The following SLC37A1 variants were observed in gnomAD, a reference collection of about 807,000 sequenced individuals.
The protein encoded by SLC37A1 is solute carrier family 37 member 1.
Under a neutral mutation model 75.3 loss-of-function variants are expected in SLC37A1, and 49 were observed. That is an observed-to-expected ratio of 0.65 (90% CI 0.52 to 0.83). SLC37A1 has a LOEUF of 0.83. Among genes scored for constraint, SLC37A1 ranks in the 40% least tolerant of loss-of-function variants. The pLI is 0.00. For synonymous variants in SLC37A1, 268 were observed against 292.1 expected (o/e 0.92, Z 0.84); for missense variants, 566 against 695.0 (o/e 0.81, Z 2.09).
intron 5 of SLC37A1, among the ~76,000 whole-genome samples, chr21:42,538,831 C>A (rs1412161422): frequency 3.9e-5 from 6 of 152,182 alleles, no homozygotes. Flanking sequence ...GCCACCAGGT[C>A]CCCAGACAGC....
rs3216127 is a variant in SLC37A1 at position 42,554,046 on chromosome 21, CT to C, written c.769-6del. On this transcript the variant is annotated splice_polypyrimidine_tract_variant and intron_variant, in intron 9 of 19. Transcript: ENST00000352133. ...TTGAATCAGTATCGCTCTAATGAAA[CT>C]TTTTTTTTTACCAGCACTCAAAAGG... The C allele has an allele frequency of 3.3e-3, 4,566 of 1,374,710 alleles. No individual in the cohort carries two copies. Among genetic ancestry groups the C allele is most frequent in the South Asian group, 7.7e-3 (562 of 73,282 alleles). The allele number at this position is 1,374,710 out of a possible 1,614,324, so 85.2% of individuals were successfully genotyped here.
At chr21:42,517,143 G>A (rs1028913960) in intron 1 of SLC37A1, among the ~76,000 whole-genome samples, 9 of 152,178 alleles carry the variant, frequency 5.9e-5, no homozygotes, top group African/African-American at 1.9e-4. Context: ...TGTTTGTTGC[G>A]CATTTACTAC....
chr21:42,566,580 C>G (rs111520148), intron 15 of SLC37A1, among the ~76,000 whole-genome samples: 7 of 152,118 alleles, frequency 4.6e-5, no homozygotes, highest in South Asian at 2.1e-4. Context: ...TGTGACCCCC[C>G]CTCAGGCCAG....
chr21:42,536,150 C>T (rs1170588691), intron 5 of SLC37A1, among the ~76,000 whole-genome samples: 1 of 152,162 alleles, frequency 6.6e-6, no homozygotes, highest in African/African-American at 2.4e-5. Context: ...GCGTGGTGGG[C>T]AGGGAACTCC....
At position 42,563,818 on chromosome 21, in the gene SLC37A1, A is replaced by AC; in HGVS notation, c.1078dup (p.Leu360ProfsTer2). 1.2e-6 allele frequency: 2 copies of AC among 1,614,050 alleles called. No homozygotes were observed. The highest frequency in any genetic ancestry group is 1.7e-6 in the Non-Finnish European group (2 of 1,179,986). The stretch of plus-strand genomic sequence containing the variant: ...CACTCCGTTGTCATTTCAATAGATC[A>AC]CCTTGATGCCAAAAAGGCGGGGGAG... On this transcript the variant is annotated frameshift_variant, in exon 13 of 20. Coordinates refer to ENST00000352133, the MANE Select transcript of SLC37A1 (RefSeq NM_001320537.2). LOFTEE classifies it high-confidence loss of function.
intron 6 of SLC37A1, among the ~76,000 whole-genome samples, chr21:42,539,914 C>A (rs756889962): frequency 6.6e-6 from 1 of 152,202 alleles, no homozygotes; most frequent in African/African-American, 2.4e-5. Context: ...ACATGCAGAG[C>A]CCTTGGGAGT....
intron 2 of SLC37A1, chr21:42,502,571 AG>A (rs1195298233): frequency 1.3e-5 from 2 of 152,284 alleles, no homozygotes; most frequent in East Asian, 1.9e-4. Context: ...TTAATTATTT[AG>A]ATTAGTTTTT....
intron 1 of SLC37A1, among the ~76,000 whole-genome samples, chr21:42,500,552 C>A (rs1033249250): frequency 1.3e-5 from 2 of 152,154 alleles, no homozygotes; most frequent in African/African-American, 4.8e-5. Context: ...GTTAATCTTA[C>A]AATAGGTTAA....
At chr21:42,524,448 C>G (rs1159299448) in intron 2 of SLC37A1, among the ~76,000 whole-genome samples, 1 of 152,212 alleles carries the variant, frequency 6.6e-6, no homozygotes, top group Non-Finnish European at 1.5e-5. Flanking sequence ...GGGCTTTGTA[C>G]CAGTGTTTCT....
upstream of SLC37A1, among the ~76,000 whole-genome samples, chr21:42,513,050 C>T (rs1329324071): frequency 6.6e-6 from 1 of 152,196 alleles, no homozygotes; most frequent in Non-Finnish European, 1.5e-5. Flanking sequence ...GCTTTTTCCC[C>T]GGAAAATTTC....
intron 10 of SLC37A1, 62 bp downstream of exon 10, chr21:42,554,204 C>T: frequency 6.8e-7 from 1 of 1,462,258 alleles, no homozygotes; most frequent in East Asian, 2.3e-5. Context: ...TCCTTTGAGC[C>T]ACGTCGGCTC....
rs778788429 is a variant in SLC37A1 at position 42,554,124 on chromosome 21, C to T, written c.831C>T (p.Ser277=). The change falls in exon 10 of 20, where the codon AGC becomes AGT. Residue 277 remains serine (S), a synonymous_variant. Coordinates refer to ENST00000352133, the MANE Select transcript of SLC37A1 (RefSeq NM_001320537.2). The part of the protein sequence containing the change: ...RLRLQKQILK[S]EKNKPLDPEM... ...GACTCCAGAAGCAAATCTTGAAGAG[C>T]GAAAAGAACAAGCCTCTGGTAAGTC... 9.3e-6 allele frequency: 15 copies of T among 1,613,302 alleles called. No individual in the cohort carries two copies. Among genetic ancestry groups the T allele is most frequent in the Non-Finnish European group, 1.2e-5 (14 of 1,179,730 alleles).
chr21:42,572,695 T>TAAAAAAAAAAAAAAAAAAAAAAA (rs1421400961), intron 17 of SLC37A1, among the ~76,000 whole-genome samples: 1 of 132,270 alleles, frequency 7.6e-6, no homozygotes. Flanking sequence ...AAAAAAAGAG[T>TAAAAAAAAAAAAAAAAAAAAAAA]GTGTCCTGAG....
At position 42,581,235 on chromosome 21, in the gene SLC37A1, T is replaced by G. The variant is rs1323360369; in HGVS notation, c.*875T>G. On this transcript the variant is annotated 3_prime_UTR_variant, in exon 20 of 20. Transcript: ENST00000352133. Reference sequence around the variant, plus strand: ...CCACAACACACACCACACCTGGGACTGTTTTTAATACATAGCAACAGACTG... The same window carrying G: ...CCACAACACACACCACACCTGGGACGGTTTTTAATACATAGCAACAGACTG... The G allele has an allele frequency of 6.6e-6, 1 of 152,670 alleles. No homozygotes were observed. Among genetic ancestry groups the G allele is most frequent in the Non-Finnish European group, 1.5e-5 (1 of 68,048 alleles). 9.5% of individuals were successfully genotyped at this position (152,670 alleles called of 1,614,324 possible).
intron 14 of SLC37A1, 70 bp from the exon 15 acceptor site, chr21:42,565,757 G>A: frequency 1.4e-6 from 2 of 1,436,980 alleles, no homozygotes; most frequent in South Asian, 1.2e-5. Context: ...TTTTTGAGAA[G>A]TAGATTTCCA....
intron 2 of SLC37A1, among the ~76,000 whole-genome samples, chr21:42,521,620 G>A (rs756997002): frequency 1.3e-5 from 2 of 152,214 alleles, no homozygotes; most frequent in South Asian, 4.1e-4. Flanking sequence ...GAGGCCCAGA[G>A]GGGCACCCCC....
intron 5 of SLC37A1, among the ~76,000 whole-genome samples, chr21:42,537,963 T>C (rs2055182547): frequency 6.6e-6 from 1 of 152,214 alleles, no homozygotes; most frequent in South Asian, 2.1e-4. Context: ...AGGTACTGCC[T>C]GGTGGGTTCA....
intron 11 of SLC37A1, 48 bp downstream of exon 11, chr21:42,559,137 G>A: frequency 3.2e-6 from 5 of 1,580,840 alleles, no homozygotes; most frequent in Non-Finnish European, 3.4e-6. Flanking sequence ...TGCTGTGCTG[G>A]CTGTGGGAAG....
At chr21:42,579,694 C>T (rs371031704) in intron 18 of SLC37A1, 42 bp from the exon 19 acceptor site, 5 of 1,610,982 alleles carry the variant, frequency 3.1e-6, no homozygotes, top group South Asian at 1.1e-5. Flanking sequence ...CCGCCCTGTG[C>T]CTGCTCCAGT....
Sources: allele counts gnomAD v4.1 joint callset (sites outside exome capture counted in the v4.1 genomes callset), GRCh38; gene constraint gnomAD v4.1.1; transcripts MANE v1.5; gene names NCBI Gene and HGNC (gene_info 2026-07-23, HGNC 2026-07-21).